Variants in ARB2A observed in about 807,000 individuals in gnomAD.
ARB2A encodes cotranscriptional regulator ARB2A.
chr5:93,789,950 G>A, the ARB2A span, among the ~76,000 whole-genome samples: 1 of 152,198 alleles, frequency 6.6e-6, no homozygotes, highest in Non-Finnish European at 1.5e-5. Context: ...AAATTCAGAT[G>A]AGTATGACAT....
the ARB2A span, chr5:93,964,623 T>C: frequency 4.2e-6 from 3 of 713,864 alleles, no homozygotes; most frequent in Non-Finnish European, 7.0e-6. Flanking sequence ...TCTGAGTAAA[T>C]ATCTCTTCAT....
At chr5:94,103,127 C>A in the ARB2A span, among the ~76,000 whole-genome samples, 2 of 151,958 alleles carry the variant, frequency 1.3e-5, no homozygotes, top group Non-Finnish European at 2.9e-5. Context: ...GTCTACATAA[C>A]AAGCAGATAA....
chr5:94,012,208 C>T, the ARB2A span, among the ~76,000 whole-genome samples: 66 of 152,190 alleles, frequency 4.3e-4, no homozygotes, highest in Non-Finnish European at 3.4e-4. Flanking sequence ...CAAGACCATC[C>T]TGGCTAACAC....
the ARB2A span, among the ~76,000 whole-genome samples, chr5:93,812,905 T>C: frequency 1.1e-4 from 17 of 152,216 alleles, no homozygotes; most frequent in Non-Finnish European, 2.5e-4. Flanking sequence ...AGGAGGTAAT[T>C]AGATTTAGAA....
the ARB2A span, among the ~76,000 whole-genome samples, chr5:93,905,208 T>C: frequency 6.6e-6 from 1 of 151,684 alleles, no homozygotes; most frequent in East Asian, 1.9e-4. Context: ...CAACTTTGTG[T>C]GTGTGTATGT....
At chr5:94,009,916 G>T in the ARB2A span, among the ~76,000 whole-genome samples, 4 of 147,874 alleles carry the variant, frequency 2.7e-5, no homozygotes, top group Non-Finnish European at 6.0e-5. Context: ...TTGCATCTTT[G>T]GTCTTTTTTT....
chr5:93,712,159 T>C, the ARB2A span, among the ~76,000 whole-genome samples: 1 of 151,994 alleles, frequency 6.6e-6, no homozygotes, highest in African/African-American at 2.4e-5. Flanking sequence ...TAGCTTGGGG[T>C]GATTGAACAA....
chr5:94,067,027 G>A, the ARB2A span, among the ~76,000 whole-genome samples: 4 of 152,134 alleles, frequency 2.6e-5, no homozygotes, highest in Non-Finnish European at 4.4e-5. Flanking sequence ...ATGCAAGGAT[G>A]GTTCAACATA....
the ARB2A span, among the ~76,000 whole-genome samples, chr5:94,037,298 T>C: frequency 6.6e-6 from 1 of 152,158 alleles, no homozygotes; most frequent in African/African-American, 2.4e-5. Context: ...GAATGGATAT[T>C]AGACAGAGAT....
the ARB2A span, among the ~76,000 whole-genome samples, chr5:93,763,469 A>C: frequency 3.3e-5 from 5 of 152,344 alleles, no homozygotes; most frequent in South Asian, 2.1e-4. Flanking sequence ...CATAATTGTA[A>C]AGGGATCAAT....
the ARB2A span, chr5:93,743,616 A>C: frequency 1.1e-6 from 1 of 927,784 alleles, no homozygotes; most frequent in African/African-American, 1.8e-5. Flanking sequence ...GGGATAAAGA[A>C]GAGAAAGCAA....
chr5:93,648,061 T>C, the ARB2A span, among the ~76,000 whole-genome samples: 13 of 151,110 alleles, frequency 8.6e-5, no homozygotes, highest in South Asian at 2.5e-3. Context: ...GAGGACTGCT[T>C]GAATCCAGGA....
the ARB2A span, among the ~76,000 whole-genome samples, chr5:93,934,329 A>G: frequency 6.6e-6 from 1 of 152,228 alleles, no homozygotes; most frequent in Admixed American, 6.5e-5. Context: ...CGAAGAAAAT[A>G]CATGAAGGAT....
the ARB2A span, among the ~76,000 whole-genome samples, chr5:93,836,608 A>G: frequency 1.1e-4 from 17 of 152,224 alleles, no homozygotes; most frequent in Non-Finnish European, 1.9e-4. Context: ...CAATTAAATA[A>G]TTTAGATTAA....
the ARB2A span, among the ~76,000 whole-genome samples, chr5:94,071,755 G>A: frequency 2.0e-5 from 3 of 152,026 alleles, no homozygotes; most frequent in South Asian, 2.1e-4. Context: ...TCTTTCATAC[G>A]TGACTGGTGG....
the ARB2A span, among the ~76,000 whole-genome samples, chr5:94,054,025 T>C: frequency 6.6e-6 from 1 of 152,206 alleles, no homozygotes; most frequent in African/African-American, 2.4e-5. Context: ...CACCTCAGCC[T>C]CCCAAAGTGC....
chr5:93,891,073 A>T, the ARB2A span, among the ~76,000 whole-genome samples: 1 of 152,006 alleles, frequency 6.6e-6, no homozygotes, highest in East Asian at 1.9e-4. Context: ...GGATTAGGAG[A>T]GAGTGAGTTT....
At chr5:93,824,179 T>C in the ARB2A span, 4 of 1,596,746 alleles carry the variant, frequency 2.5e-6, no homozygotes, top group Non-Finnish European at 3.4e-6. Flanking sequence ...TCCATAGCTG[T>C]GAGCAACGAA....
chr5:93,755,686 G>A, the ARB2A span, among the ~76,000 whole-genome samples: 3 of 152,292 alleles, frequency 2.0e-5, no homozygotes, highest in African/African-American at 7.2e-5. Context: ...CTGGAGAGCC[G>A]AGTGAAATAC....
Sources: allele counts gnomAD v4.1 joint callset (sites outside exome capture counted in the v4.1 genomes callset), GRCh38; gene constraint gnomAD v4.1.1; transcripts MANE v1.5; gene names NCBI Gene and HGNC (gene_info 2026-07-23, HGNC 2026-07-21).